UIMC1: variants seen among roughly 807,000 people sequenced by gnomAD.
UIMC1 encodes BRCA1-A complex subunit RAP80.
Under a neutral mutation model 84.9 loss-of-function variants are expected in UIMC1, and 42 were observed. The ratio of observed to expected loss-of-function variants is 0.49; its 90% CI spans 0.39 to 0.64. The LOEUF is 0.64. Among genes scored for constraint, UIMC1 ranks in the 30% least tolerant of loss-of-function variants. UIMC1 has a pLI of 0.00. For synonymous variants in UIMC1, 281 were observed against 293.0 expected (o/e 0.96, Z 0.42); for missense variants, 825 against 847.6 (o/e 0.97, Z 0.33).
rs1391334973 is a variant in UIMC1 at position 176,961,130 on chromosome 5, C to T, written c.1201-2976G>A. Among the ~76,000 whole-genome samples the T allele has an allele frequency of 7.3e-5, 6 of 82,172 alleles. 2 individuals carry two copies. Among genetic ancestry groups the T allele is most frequent in the African/African-American group, 5.3e-4 (6 of 11,364 alleles). 53.9% of individuals were successfully genotyped at this position (82,172 alleles called of 152,430 possible). ...TGAGGAGCCCCTCTGCTCGGCTGCCCAGTCTGGGAAGTGAGGAGCGTCTCC... is the reference window on the plus strand; with the variant it reads ...TGAGGAGCCCCTCTGCTCGGCTGCCTAGTCTGGGAAGTGAGGAGCGTCTCC... On this transcript the variant is annotated intron_variant, in intron 6 of 14. Transcript: ENST00000511320.
intron 1 of UIMC1, among the ~76,000 whole-genome samples, chr5:177,016,073 G>GA (rs929318858): frequency 6.6e-6 from 1 of 150,816 alleles, no homozygotes; most frequent in Non-Finnish European, 1.5e-5. Context: ...TCTCAAAAAA[G>GA]AAAAAAAGAG....
chr5:176,965,666 A>G (rs951966573), intron 6 of UIMC1, among the ~76,000 whole-genome samples: 3 of 152,192 alleles, frequency 2.0e-5, no homozygotes, highest in African/African-American at 7.2e-5. Flanking sequence ...TTACTGCAGC[A>G]AATAGTATTA....
rs530655289 is a variant in UIMC1, at chr5:177,001,706, A to AG, written c.-9+4943dup. The stretch of plus-strand genomic sequence containing the variant: ...GTAATCCCAGCATTTTGGGAGGCTG[A>AG]GGGGGGGCGGATCACAAGGTCAGGA... On this transcript the variant is annotated intron_variant, in intron 1 of 14. Coordinates refer to ENST00000511320, the MANE Select transcript of UIMC1 (RefSeq NM_001199298.2). 5.8e-4 allele frequency among the ~76,000 whole-genome samples: 88 copies of AG among 150,940 alleles called. 1 individual carries two copies. The highest frequency in any genetic ancestry group is 1.8e-3 in the African/African-American group (72 of 41,132).
At chr5:177,006,927 G>T (rs994567754), upstream of UIMC1, among the ~76,000 whole-genome samples, 4 of 152,222 alleles carry the variant, frequency 2.6e-5, no homozygotes, top group African/African-American at 9.6e-5. Flanking sequence ...AAAGCAAGGA[G>T]TAACAACAGA....
At chr5:176,944,030 T>A (rs1250895618) in intron 9 of UIMC1, among the ~76,000 whole-genome samples, 1 of 152,202 alleles carries the variant, frequency 6.6e-6, no homozygotes, top group Non-Finnish European at 1.5e-5. Flanking sequence ...ATTTTGCATA[T>A]CAACAGCACC....
chr5:176,937,389 GGAGACT>G (rs1422657064), intron 10 of UIMC1, among the ~76,000 whole-genome samples: 1 of 152,156 alleles, frequency 6.6e-6, no homozygotes, highest in Non-Finnish European at 1.5e-5. Context: ...CAGCTACTCG[GGAGACT>G]GAGACAGGAG....
At chr5:176,906,303 AG>A (rs1759367167) in intron 13 of UIMC1, 3 of 439,568 alleles carry the variant, frequency 6.8e-6, no homozygotes, top group Admixed American at 3.9e-5. Context: ...TTGAGGAACA[AG>A]GAAGTTGCCA....
chr5:176,927,379 G>A (rs754810414), intron 10 of UIMC1, among the ~76,000 whole-genome samples: 6 of 151,832 alleles, frequency 4.0e-5, no homozygotes, highest in Admixed American at 2.6e-4. Context: ...TCAGCCTCCC[G>A]AGTAGCTGAG....
At chr5:176,909,142 C>T (rs1759785494) in intron 11 of UIMC1, among the ~76,000 whole-genome samples, 1 of 152,158 alleles carries the variant, frequency 6.6e-6, no homozygotes. Context: ...ATTAGCAAAT[C>T]AAGTCTGTCT....
intron 1 of UIMC1, among the ~76,000 whole-genome samples, chr5:176,988,235 T>G (rs1357764047): frequency 1.3e-5 from 2 of 152,052 alleles, no homozygotes; most frequent in Non-Finnish European, 2.9e-5. Context: ...CTGGCTATTT[T>G]TTAAATAATG....
At chr5:176,921,265 T>C (rs1474879773) in intron 10 of UIMC1, among the ~76,000 whole-genome samples, 1 of 152,208 alleles carries the variant, frequency 6.6e-6, no homozygotes, top group Non-Finnish European at 1.5e-5. Flanking sequence ...CACTTTTCCA[T>C]TTGATCCTGA....
chr5:176,958,000 C>T (rs935483989), intron 7 of UIMC1, 93 bp downstream of exon 7: 20 of 1,182,980 alleles, frequency 1.7e-5, no homozygotes, highest in Non-Finnish European at 2.1e-5. Context: ...AGTTCTCTGG[C>T]AAGCTGTCCA....
chr5:176,908,819 C>A, intron 11 of UIMC1, 125 bp from the exon 12 acceptor site: 1 of 936,714 alleles, frequency 1.1e-6, no homozygotes, highest in Non-Finnish European at 1.6e-6. Flanking sequence ...ACATATCAAC[C>A]AATGCAGATT....
chr5:176,991,058 A>G (rs909889233), intron 1 of UIMC1, among the ~76,000 whole-genome samples: 1 of 151,808 alleles, frequency 6.6e-6, no homozygotes, highest in Admixed American at 6.6e-5. Flanking sequence ...CCCAGGCCAG[A>G]CTGCAGTGGC....
chr5:177,009,022 T>C (rs1336322230), upstream of UIMC1, among the ~76,000 whole-genome samples: 2 of 151,910 alleles, frequency 1.3e-5, no homozygotes, highest in Admixed American at 6.6e-5. The surrounding 1 kb of genome is among the most constrained non-coding windows in gnomAD (Gnocchi z 4.3). Flanking sequence ...GGTGTTTTTT[T>C]TTTTTTAAAG....
intron 10 of UIMC1, among the ~76,000 whole-genome samples, chr5:176,912,153 G>A (rs145944646): frequency 3.8e-4 from 58 of 152,326 alleles, no homozygotes; most frequent in African/African-American, 1.4e-3. Flanking sequence ...GAGTAACTTA[G>A]GTTGTGAAGC....
intron 8 of UIMC1, among the ~76,000 whole-genome samples, chr5:176,952,868 ATAG>A (rs1014746696): frequency 1.3e-5 from 2 of 152,202 alleles, no homozygotes; most frequent in African/African-American, 2.4e-5. Context: ...AATAAAAAAA[ATAG>A]TAATTATCTT....
intron 9 of UIMC1, among the ~76,000 whole-genome samples, chr5:176,949,110 TA>T (rs201863963): frequency 1.0e-3 from 159 of 151,776 alleles, no homozygotes; most frequent in Non-Finnish European, 2.0e-3. Context: ...TTTATTTATT[TA>T]TTTTTTTAAA....
chr5:177,011,958 G>A (rs966460579), intron 1 of UIMC1, among the ~76,000 whole-genome samples: 3 of 151,952 alleles, frequency 2.0e-5, no homozygotes, highest in African/African-American at 7.3e-5. Flanking sequence ...CCGCCACCAC[G>A]CCCAGCTAAT....
Sources: allele counts gnomAD v4.1 joint callset (sites outside exome capture counted in the v4.1 genomes callset), GRCh38; gene constraint gnomAD v4.1.1; non-coding constraint Gnocchi (gnomAD v3.1); transcripts MANE v1.5; gene names NCBI Gene and HGNC (gene_info 2026-07-23, HGNC 2026-07-21).